Variants in TERF1 observed in about 807,000 individuals in gnomAD.
TERF1 encodes telomeric repeat binding factor 1.
In TERF1, 20 loss-of-function variants were observed where a neutral mutation model predicts 55.1. The observed-to-expected ratio is 0.36, with a 90% CI of 0.26 to 0.53. The LOEUF is 0.53. Ranked by LOEUF, TERF1 falls within the 20% of genes least tolerant of loss-of-function variation. The probability of loss-of-function intolerance (pLI) is 0.91; values close to 1 mark genes in which losing one functional copy is unlikely to be tolerated. For synonymous variants in TERF1, 168 were observed against 181.2 expected (o/e 0.93, Z 0.59); for missense variants, 439 against 535.7 (o/e 0.82, Z 1.78).
chr8:73,013,843 C>A, intron 1 of TERF1, 52 bp from the exon 2 acceptor site: 1 of 1,110,328 alleles, frequency 9.0e-7, no homozygotes, highest in Non-Finnish European at 1.4e-6. Flanking sequence ...CACACAGTGG[C>A]ACTACTGGAT....
chr8:73,022,679 G>A (rs1447089481), intron 4 of TERF1, among the ~76,000 whole-genome samples: 2 of 152,156 alleles, frequency 1.3e-5, no homozygotes, highest in African/African-American at 4.8e-5. Context: ...CGGTGCAATA[G>A]CTCATGCCTA....
chr8:73,014,390 CT>C (rs1301866486), intron 2 of TERF1, among the ~76,000 whole-genome samples: 1 of 152,030 alleles, frequency 6.6e-6, no homozygotes, highest in Non-Finnish European at 1.5e-5. Context: ...TTCATTGACT[CT>C]ATTTGCTAAC....
At chr8:73,036,718 T>G (rs1809527068) in intron 8 of TERF1, among the ~76,000 whole-genome samples, 1 of 150,976 alleles carries the variant, frequency 6.6e-6, no homozygotes, top group Admixed American at 6.7e-5. Context: ...CATCCCCAAA[T>G]TACTTACAGT....
At chr8:73,042,093 C>G (rs1809854816) in intron 9 of TERF1, among the ~76,000 whole-genome samples, 1 of 152,108 alleles carries the variant, frequency 6.6e-6, no homozygotes, top group South Asian at 2.1e-4. Context: ...TGTTCAACAG[C>G]TTTTTTCTTC....
chr8:73,035,944 T>A (rs754839973), intron 8 of TERF1, among the ~76,000 whole-genome samples: 6 of 152,222 alleles, frequency 3.9e-5, no homozygotes, highest in Non-Finnish European at 7.3e-5. Context: ...GTAAACCTGC[T>A]GCTACTTTAT....
At chr8:73,025,251 A>G (rs1182017286) in intron 5 of TERF1, among the ~76,000 whole-genome samples, 1 of 152,232 alleles carries the variant, frequency 6.6e-6, no homozygotes, top group Non-Finnish European at 1.5e-5. Context: ...GCAAAAGCAA[A>G]TATTTTAATT....
At chr8:73,018,585 A>G (rs1043125707) in intron 2 of TERF1, among the ~76,000 whole-genome samples, 1 of 152,216 alleles carries the variant, frequency 6.6e-6, no homozygotes, top group Non-Finnish European at 1.5e-5. Flanking sequence ...CTGAAACAGC[A>G]GAATCGCTTG....
In TERF1 at chr8:73,008,936, A is replaced by C. The variant is rs377699337; in HGVS notation, c.50A>C (p.Asp17Ala). 10 of 1,612,472 alleles carry C rather than the reference A, an allele frequency of 6.2e-6. No individual in the cohort carries two copies. The highest frequency in any genetic ancestry group is 2.2e-5 in the East Asian group (1 of 44,796). Residue 17 changes from aspartate (D) to alanine (A), a missense_variant, in exon 1 of 10, where the codon GAT (aspartate) becomes GCT (alanine). Around this residue, in one of 4 missense-constraint regions of TERF1, gnomAD observed 179 missense variants for 152.6 expected, o/e 1.17. Coordinates refer to ENST00000276603, the MANE Select transcript of TERF1 (RefSeq NM_017489.3). Reference sequence around the variant, plus strand: ...GCCCCGAGCCCGCGGGGCTGTGCGGATGGTAGGGATGCCGACCCTACTGAG... The same window carrying C: ...GCCCCGAGCCCGCGGGGCTGTGCGGCTGGTAGGGATGCCGACCCTACTGAG... ...SAAPSPRGCA[D>A]GRDADPTEEQ...
chr8:73,019,309 A>G (rs1236188713), intron 2 of TERF1, among the ~76,000 whole-genome samples: 1 of 152,244 alleles, frequency 6.6e-6, no homozygotes, highest in Admixed American at 6.5e-5. Flanking sequence ...CTTGATTTCC[A>G]TATACAACTT....
intron 6 of TERF1, among the ~76,000 whole-genome samples, chr8:73,028,451 T>G (rs1479899026): frequency 6.6e-6 from 1 of 152,094 alleles, no homozygotes; most frequent in Admixed American, 6.5e-5. Flanking sequence ...ACTTCTAGAG[T>G]TAGCTTCCAC....
intron 1 of TERF1, chr8:73,010,917 A>G (rs1702165775): frequency 6.6e-6 from 1 of 152,236 alleles, no homozygotes; most frequent in African/African-American, 2.4e-5. Context: ...TAGGCGCATT[A>G]TCAATGAGCA....
intron 7 of TERF1, 155 bp from the exon 8 acceptor site, chr8:73,031,887 G>T: frequency 6.3e-6 from 3 of 475,952 alleles, no homozygotes; most frequent in African/African-American, 2.0e-5. Context: ...GAGGCCACAG[G>T]TTAAGATGGG....
In TERF1 at chr8:73,030,336, T is replaced by C. The variant is rs1478967276; in HGVS notation, c.888T>C (p.Ser296=). The C allele has an allele frequency of 3.9e-6, 6 of 1,536,590 alleles. No individual in the cohort carries two copies. Among genetic ancestry groups the C allele is most frequent in the Non-Finnish European group, 5.2e-6 (6 of 1,151,120 alleles). Residue 296 remains serine, a splice_region_variant and synonymous_variant, in exon 7 of 10, where the codon AGT becomes AGC. Coordinates refer to ENST00000276603, the MANE Select transcript of TERF1 (RefSeq NM_017489.3). ...TTACAAATTTTTTCTTCTTTTAAAG[T>C]GTTAGTGACAAACAGTCTGCGGTAA... ...ETEANLDTRK[S]VSDKQSAVTE... is the part of the protein sequence containing the mutation.
intron 9 of TERF1, among the ~76,000 whole-genome samples, chr8:73,044,471 G>C (rs1413772299): frequency 6.6e-6 from 1 of 152,060 alleles, no homozygotes; most frequent in Non-Finnish European, 1.5e-5. Flanking sequence ...GTATTCTTCA[G>C]GCCACCTTGA....
chr8:73,037,685 T>TA lies in TERF1; in HGVS notation c.1040-1430dup, dbSNP rs1388966579. 1.4e-4 allele frequency among the ~76,000 whole-genome samples: 7 copies of TA among 51,312 alleles called. No individual in the cohort carries two copies. The East Asian group carries it at 1.8e-3, about 14-fold the overall frequency. The allele number at this position is 51,312 out of a possible 152,430, so 33.7% of individuals were successfully genotyped here. On this transcript the variant is annotated intron_variant, in intron 8 of 9. Coordinates refer to ENST00000276603, the MANE Select transcript of TERF1 (RefSeq NM_017489.3). The stretch of plus-strand genomic sequence containing the variant: ...TAATAATATTATATTATATATAATA[T>TA]ATATTATATAGTATAATATTATATT...
chr8:73,019,606 A>C (rs1161045694), intron 2 of TERF1, among the ~76,000 whole-genome samples: 1 of 152,170 alleles, frequency 6.6e-6, no homozygotes, highest in African/African-American at 2.4e-5. Context: ...ATCATCGCTC[A>C]CTGAGCCTCA....
chr8:73,027,051 A>AG lies in TERF1; in HGVS notation c.887+1dup, dbSNP rs1314506260. On this transcript the variant is annotated frameshift_variant and splice_region_variant, in exon 6 of 10. Coordinates refer to ENST00000276603, the MANE Select transcript of TERF1 (RefSeq NM_017489.3). LOFTEE classifies it high-confidence loss of function. Reference sequence around the variant, plus strand: ...TGAAGCTAATTTGGATACAAGAAAAAGGTTTGTAATTTAATCAATTTGTAT... The same window carrying AG: ...TGAAGCTAATTTGGATACAAGAAAAAGGGTTTGTAATTTAATCAATTTGTAT... 1 of 1,601,248 alleles carries AG rather than the reference A, an allele frequency of 6.2e-7. No homozygotes were observed. The highest frequency in any genetic ancestry group is 2.2e-5 in the East Asian group (1 of 44,748).
chr8:73,015,604 G>A (rs1320680072), intron 2 of TERF1, among the ~76,000 whole-genome samples: 4 of 152,048 alleles, frequency 2.6e-5, no homozygotes, highest in African/African-American at 4.8e-5. Flanking sequence ...TTGGGAGGCC[G>A]AGGTGAGCGG....
chr8:73,030,470 A>T (rs1809239159), intron 7 of TERF1, 75 bp downstream of exon 7: 1 of 938,956 alleles, frequency 1.1e-6, no homozygotes, highest in African/African-American at 1.7e-5. Context: ...CCTAATAAAA[A>T]CTACCACATA....
Sources: allele counts gnomAD v4.1 joint callset (sites outside exome capture counted in the v4.1 genomes callset), GRCh38; gene constraint gnomAD v4.1.1; regional missense constraint gnomAD v4.1.1; transcripts MANE v1.5; gene names NCBI Gene and HGNC (gene_info 2026-07-23, HGNC 2026-07-21).